Variants in BICD1 observed in about 807,000 individuals in gnomAD.
BICD1 encodes BICD cargo adaptor 1.
A neutral mutation model predicts 92.5 loss-of-function variants in BICD1; 35 were observed. That is an observed-to-expected ratio of 0.38 (90% CI 0.29 to 0.50). The LOEUF is 0.50. BICD1 is among the 20% of genes least tolerant of loss of function. BICD1 has a pLI of 0.93. For synonymous variants in BICD1, 429 were observed against 465.1 expected (o/e 0.92, Z 1.00); for missense variants, 950 against 1,189.8 (o/e 0.80, Z 2.97).
intron 9 of BICD1, among the ~76,000 whole-genome samples, chr12:32,374,957 C>T (rs1479404893): frequency 2.0e-5 from 2 of 99,436 alleles, no homozygotes; most frequent in Non-Finnish European, 3.7e-5. Flanking sequence ...CTCGCTCTGT[C>T]GTCCAGGCTG....
intron 2 of BICD1, among the ~76,000 whole-genome samples, chr12:32,218,652 A>G (rs1448744204): frequency 1.3e-5 from 2 of 152,210 alleles, no homozygotes; most frequent in Non-Finnish European, 2.9e-5. Context: ...TTATATCCAC[A>G]TTTAGGTATT....
intron 1 of BICD1, among the ~76,000 whole-genome samples, chr12:32,110,460 A>T (rs1486340564): frequency 6.6e-6 from 1 of 152,134 alleles, no homozygotes; most frequent in Non-Finnish European, 1.5e-5. Flanking sequence ...CCTTTTCATG[A>T]TTCTTTGGGC....
chr12:32,226,124 T>G (rs1424411905), intron 2 of BICD1, among the ~76,000 whole-genome samples: 3 of 152,158 alleles, frequency 2.0e-5, no homozygotes, highest in Admixed American at 6.5e-5. Flanking sequence ...CTAGGTAAGT[T>G]TTTTTGTTTT....
Position 32,309,278 on chromosome 12 carries a change from C to CAT in BICD1, c.1005+3161_1005+3162dup, listed in dbSNP as rs1948315027. Among the ~76,000 whole-genome samples the CAT allele has an allele frequency of 2.0e-5, 3 of 152,028 alleles. No individual in the cohort carries two copies. The South Asian group carries it at 6.2e-4, about 32-fold the overall frequency. Reference sequence around the variant, plus strand: ...CAATGAGAGTACTGTGCACCTGAAGCATATATGTGTCAGTACCATTGTTCT... The same window carrying CAT: ...CAATGAGAGTACTGTGCACCTGAAGCATATATATGTGTCAGTACCATTGTTCT... On this transcript the variant is annotated intron_variant, in intron 4 of 9. Transcript: ENST00000652176.
At chr12:32,346,586 G>GTATATATA (rs1209956649) in intron 8 of BICD1, among the ~76,000 whole-genome samples, 1 of 10,354 alleles carries the variant, frequency 9.7e-5, no homozygotes, top group East Asian at 4.2e-3. Context: ...ATATATACGT[G>GTATATATA]TATATATATA....
intron 2 of BICD1, among the ~76,000 whole-genome samples, chr12:32,280,734 ACTC>A (rs1947389865): frequency 7.2e-5 from 11 of 152,036 alleles, no homozygotes; most frequent in Admixed American, 7.2e-4. Context: ...TCACTTGTTT[ACTC>A]ACTCGTTGCT....
intron 8 of BICD1, among the ~76,000 whole-genome samples, chr12:32,344,332 C>A (rs1230865594): frequency 6.6e-6 from 1 of 152,026 alleles, no homozygotes; most frequent in Admixed American, 6.6e-5. Flanking sequence ...TGCAGGACTT[C>A]GAAGTAATAG....
chr12:32,233,819 C>T (rs1322141442), intron 2 of BICD1, among the ~76,000 whole-genome samples: 1 of 152,078 alleles, frequency 6.6e-6, no homozygotes, highest in African/African-American at 2.4e-5. Flanking sequence ...TTTTTTACGT[C>T]TTGACCTCTA....
At position 32,237,028 on chromosome 12, in the gene BICD1, C is replaced by A. The variant is rs556322490; in HGVS notation, c.426+20569C>A. Among the ~76,000 whole-genome samples, 690 of 152,032 alleles carry A rather than the reference C, an allele frequency of 4.5e-3. 4 individuals carry two copies. Among genetic ancestry groups the A allele is most frequent in the African/African-American group, 0.016 (662 of 41,458 alleles). ...TAGCTGGGACTACTGGTGCCCGCCA[C>A]CATACCCGGCTAATTTTTTTGTATT... On this transcript the variant is annotated intron_variant, in intron 2 of 9. Transcript: ENST00000652176.
chr12:32,245,255 T>TTG (rs34424430), intron 2 of BICD1, among the ~76,000 whole-genome samples: 51,138 of 150,972 alleles, frequency 0.34, 9,903 homozygotes, highest in Non-Finnish European at 0.43. Flanking sequence ...TTTTTGTTTT[T>TTG]TTTTTTTTTG....
intron 2 of BICD1, among the ~76,000 whole-genome samples, chr12:32,270,721 C>A (rs1451490526): frequency 6.6e-6 from 1 of 152,190 alleles, no homozygotes; most frequent in Non-Finnish European, 1.5e-5. Context: ...TATAATATTT[C>A]ATTGGCCTTG....
intron 1 of BICD1, among the ~76,000 whole-genome samples, chr12:32,170,652 C>A (rs1226049397): frequency 6.6e-6 from 1 of 152,086 alleles, no homozygotes; most frequent in Non-Finnish European, 1.5e-5. Context: ...TTTATGTGAC[C>A]AAAATTTGGC....
chr12:32,361,228 A>G (rs992235914), intron 8 of BICD1, among the ~76,000 whole-genome samples: 13 of 152,242 alleles, frequency 8.5e-5, no homozygotes, highest in African/African-American at 3.1e-4. Context: ...GAGAGCAAGG[A>G]GACGAGTGAG....
chr12:32,109,718 A>G (rs1462464989), intron 1 of BICD1: 1 of 151,912 alleles, frequency 6.6e-6, no homozygotes, highest in African/African-American at 2.4e-5. Context: ...TAAAATTATT[A>G]TAGTTGATTA....
Position 32,328,087 on chromosome 12 carries a change from C to A in BICD1, c.1632C>A (p.Thr544=), listed in dbSNP as rs75160526. ...MLDYYRQSRV[T]RSGSLKGPDD... ...ATTACTATAGGCAGAGCAGAGTCAC[C>A]CGCAGTGGCAGCCTGAAAGGGCCCG... The change falls in exon 5 of 10, where the codon ACC becomes ACA. Residue 544 remains threonine, a synonymous_variant. Transcript: ENST00000652176. The surrounding 1 kb of genome is among the most constrained non-coding windows in gnomAD (Gnocchi z 4.4). The A allele has an allele frequency of 1.0e-3, 1,672 of 1,614,118 alleles. 9 individuals are homozygous for A. The East Asian group carries it at 0.015, about 15-fold the overall frequency.
In BICD1 at chr12:32,340,494, T is replaced by A. The variant is rs1279261516; in HGVS notation, c.2764+1515T>A. ...GTTCCAAATGGATTTAGTAGCACTA[T>A]CTACTGGAACTTAGAAAAGAAATTG... is the stretch of plus-strand genomic sequence containing the variant. On this transcript the variant is annotated intron_variant, in intron 8 of 9. Transcript: ENST00000652176. 3 of 982,780 alleles carry A rather than the reference T, an allele frequency of 3.1e-6. No homozygotes were observed. In the East Asian group the frequency reaches 3.4e-4, roughly 112 times the overall value. 60.9% of individuals were successfully genotyped at this position (982,780 alleles called of 1,614,324 possible).
chr12:32,364,851 T>C (rs1227961221), intron 8 of BICD1, among the ~76,000 whole-genome samples: 1 of 152,158 alleles, frequency 6.6e-6, no homozygotes, highest in Non-Finnish European at 1.5e-5. Flanking sequence ...CTCAAGAGGC[T>C]GAGGCAGGAG....
chr12:32,334,454 G>A (rs1938018283), intron 5 of BICD1, 62 bp from the exon 6 acceptor site: 40 of 1,492,410 alleles, frequency 2.7e-5, no homozygotes, highest in Non-Finnish European at 3.6e-5. Context: ...ACAGCATGAA[G>A]CAATCTGTAT....
At position 32,378,755 on chromosome 12, in the gene BICD1, T is replaced by G. The variant is rs2136351164; in HGVS notation, c.*1128T>G. The G allele has an allele frequency of 6.6e-6, 1 of 152,318 alleles. No individual in the cohort carries two copies. The highest frequency in any genetic ancestry group is 1.9e-4 in the East Asian group (1 of 5,186). 9.4% of individuals were successfully genotyped at this position (152,318 alleles called of 1,614,324 possible). A position where few individuals can be genotyped will look rare whatever the true frequency, so the allele number is the denominator to read the frequency against. ...AGTTTTTTTCATAACGAATCTTCCT[T>G]GCCAAAAAAACAATAGATAATAAAC... is the stretch of plus-strand genomic sequence containing the variant. On this transcript the variant is annotated 3_prime_UTR_variant, in exon 10 of 10. Transcript: ENST00000652176.
Sources: gnomAD v4.1 joint callset for allele counts (sites outside exome capture counted in the v4.1 genomes callset) on GRCh38, gnomAD v4.1.1 for gene constraint, Gnocchi (gnomAD v3.1) non-coding constraint, MANE v1.5 for transcripts, NCBI Gene and HGNC (gene_info 2026-07-23, HGNC 2026-07-21) for gene names.